NTM: variants seen among roughly 807,000 people sequenced by gnomAD.
NTM encodes neurotrimin, also known as IgLON family member 2.
A neutral mutation model predicts 42.1 loss-of-function variants in NTM; 13 were observed. That is an observed-to-expected ratio of 0.31 (90% confidence interval 0.20 to 0.49). The LOEUF is 0.49. Ranked by LOEUF, NTM falls within the 20% of genes least tolerant of loss-of-function variation. The pLI is 0.99. For synonymous variants in NTM, 187 were observed against 179.2 expected (o/e 1.04, Z -0.35); for missense variants, 373 against 452.8 (o/e 0.82, Z 1.60).
chr11:131,930,249 A>G (rs2058445801), intron 2 of NTM, among the ~76,000 whole-genome samples: 1 of 152,216 alleles, frequency 6.6e-6, no homozygotes, highest in Non-Finnish European at 1.5e-5. Flanking sequence ...CCTTCTAGAC[A>G]GTGGAAGTGA....
At chr11:131,388,383 T>C (rs1248950794) in intron 1 of NTM, among the ~76,000 whole-genome samples, 1 of 151,314 alleles carries the variant, frequency 6.6e-6, no homozygotes, top group Non-Finnish European at 1.5e-5. Context: ...ATTTTTATTA[T>C]GCAGAGCACA....
rs765235550 is a variant in NTM at position 132,283,161 on chromosome 11, A to G, written c.527-24528A>G. Among the ~76,000 whole-genome samples, 37 of 151,302 alleles carry G rather than the reference A, an allele frequency of 2.4e-4. 1 individual carries two copies. Among genetic ancestry groups the G allele is most frequent in the Non-Finnish European group, 3.7e-4 (25 of 67,824 alleles). Reference sequence around the variant, plus strand: ...GCCACCATGCCCACCTAATTTTTGTATTTTTAGTAGAGATAGGGTTTCACC... The same window carrying G: ...GCCACCATGCCCACCTAATTTTTGTGTTTTTAGTAGAGATAGGGTTTCACC... On this transcript the variant is annotated intron_variant, in intron 4 of 8. Transcript: ENST00000683400.
chr11:131,490,118 A>G (rs1291329448), intron 1 of NTM, among the ~76,000 whole-genome samples: 1 of 152,132 alleles, frequency 6.6e-6, no homozygotes, highest in South Asian at 2.1e-4. Flanking sequence ...AATAGTGAGG[A>G]TTCACTCACT....
chr11:131,436,015 A>T (rs1354575351), intron 1 of NTM, among the ~76,000 whole-genome samples: 1 of 152,148 alleles, frequency 6.6e-6, no homozygotes, highest in Admixed American at 6.5e-5. Flanking sequence ...CAATTTTGTC[A>T]AAGGCTTTTT....
intron 7 of NTM, 111 bp from the exon 8 acceptor site, chr11:132,330,042 G>T: frequency 6.7e-7 from 1 of 1,487,486 alleles, no homozygotes; most frequent in Non-Finnish European, 9.1e-7. Context: ...AGAGGCGCAG[G>T]GACGCTGCTG....
At chr11:132,044,479 G>A (rs34956193) in intron 2 of NTM, among the ~76,000 whole-genome samples, 9,477 of 152,186 alleles carry the variant, frequency 0.062, 355 homozygotes, top group South Asian at 0.17. Context: ...TGTTCAAGAG[G>A]AGGACCCCTC....
intron 2 of NTM, among the ~76,000 whole-genome samples, chr11:131,977,253 C>T (rs970012158): frequency 6.6e-6 from 1 of 152,216 alleles, no homozygotes; most frequent in African/African-American, 2.4e-5. Flanking sequence ...AGCGACTACG[C>T]GTAACAGTTT....
At chr11:132,074,299 T>C (rs1191363767) in intron 2 of NTM, among the ~76,000 whole-genome samples, 3 of 152,308 alleles carry the variant, frequency 2.0e-5, no homozygotes, top group East Asian at 1.9e-4. Context: ...TCAGGGTCCA[T>C]CACCATTCTT....
intron 1 of NTM, among the ~76,000 whole-genome samples, chr11:131,411,535 G>GAT (rs2135755422): frequency 7.1e-6 from 1 of 140,892 alleles, no homozygotes; most frequent in Non-Finnish European, 1.5e-5. Flanking sequence ...GTATTTAGGG[G>GAT]GGGCCGTGTG....
chr11:131,889,124 A>G (rs1232890395), intron 1 of NTM, among the ~76,000 whole-genome samples: 1 of 152,226 alleles, frequency 6.6e-6, no homozygotes, highest in East Asian at 1.9e-4. Flanking sequence ...AGAGAAAATA[A>G]AATGATGGTT....
chr11:132,239,929 C>T (rs532239692), intron 4 of NTM, among the ~76,000 whole-genome samples: 1 of 152,210 alleles, frequency 6.6e-6, no homozygotes, highest in East Asian at 1.9e-4. Context: ...TTATGCCTCT[C>T]CTAGTTCATT....
At chr11:131,660,852 A>G in intron 1 of NTM, 1 of 1,225,802 alleles carries the variant, frequency 8.2e-7, no homozygotes, top group Non-Finnish European at 1.0e-6. Flanking sequence ...ACAGTTTCAA[A>G]GTCGGAAGCT....
At chr11:131,735,835 G>GGTGTGT (rs398018112) in intron 1 of NTM, among the ~76,000 whole-genome samples, 793 of 121,364 alleles carry the variant, frequency 6.5e-3, no homozygotes, top group Middle Eastern at 0.018. Flanking sequence ...CCATTCATAA[G>GGTGTGT]GTGTGTGTGT....
rs2075966656 is a variant in NTM at position 131,700,528 on chromosome 11, C to T, written c.83-211036C>T. 2.0e-5 allele frequency among the ~76,000 whole-genome samples: 3 copies of T among 152,170 alleles called. No homozygotes were observed. In the South Asian group the frequency reaches 6.2e-4, roughly 32 times the overall value. The stretch of plus-strand genomic sequence containing the variant: ...TTATGATCTTCTAGCTTCATGATGA[C>T]CTACTTGTTTATTGGGTTACAATAA... On this transcript the variant is annotated intron_variant, in intron 1 of 8. Coordinates refer to ENST00000683400, the MANE Select transcript of NTM (RefSeq NM_001352005.2).
At chr11:131,661,012 G>A (rs551874700) in intron 1 of NTM, 11 of 1,304,604 alleles carry the variant, frequency 8.4e-6, no homozygotes, top group Middle Eastern at 2.1e-4. Context: ...AAAAAGAAAC[G>A]GGGAAGGTGG....
At chr11:131,434,415 G>A (rs1332743812) in intron 1 of NTM, among the ~76,000 whole-genome samples, 1 of 152,210 alleles carries the variant, frequency 6.6e-6, no homozygotes, top group Non-Finnish European at 1.5e-5. Flanking sequence ...CAGTGTAAAA[G>A]CATTCCTATT....
intron 1 of NTM, among the ~76,000 whole-genome samples, chr11:131,524,491 T>C (rs943096947): frequency 6.6e-6 from 1 of 152,204 alleles, no homozygotes; most frequent in Non-Finnish European, 1.5e-5. Context: ...CTCATAGTCA[T>C]CTTTAATCCA....
intron 1 of NTM, among the ~76,000 whole-genome samples, chr11:131,828,548 G>A (rs1385978607): frequency 6.6e-6 from 1 of 151,394 alleles, no homozygotes; most frequent in African/African-American, 2.4e-5. Context: ...CATTAATTCT[G>A]GTATTGCCAC....
Position 132,212,150 on chromosome 11 carries a change from A to G in NTM, c.526+3A>G. The G allele has an allele frequency of 6.2e-7, 1 of 1,609,198 alleles. No homozygotes were observed. Among genetic ancestry groups the G allele is most frequent in the Non-Finnish European group, 8.5e-7 (1 of 1,178,428 alleles). ...TTGGAGACACATCTCTCCCAAAGGTAAGAGAACAGTTTGTTGCATTGCATC... is the reference window on the plus strand; with the variant it reads ...TTGGAGACACATCTCTCCCAAAGGTGAGAGAACAGTTTGTTGCATTGCATC... On this transcript the variant is annotated splice_donor_region_variant and intron_variant, in intron 4 of 8. Coordinates refer to ENST00000683400, the MANE Select transcript of NTM (RefSeq NM_001352005.2).
Sources: gnomAD v4.1 joint callset for allele counts (sites outside exome capture counted in the v4.1 genomes callset) on GRCh38, gnomAD v4.1.1 for gene constraint, MANE v1.5 for transcripts, NCBI Gene and HGNC (gene_info 2026-07-23, HGNC 2026-07-21) for gene names.